The following GREB1L variants were observed in gnomAD, a reference collection of about 807,000 sequenced individuals.
GREB1L encodes GREB1 like retinoic acid receptor coactivator, also known as GREB1-like protein.
In GREB1L, 17 loss-of-function variants were observed where a neutral mutation model predicts 200.8. The ratio of observed to expected loss-of-function variants is 0.08; its 90% CI spans 0.06 to 0.13. GREB1L has a LOEUF of 0.13. GREB1L is among the 10% of genes least tolerant of loss of function. The probability of loss-of-function intolerance (pLI) is 1.00; values close to 1 mark genes in which losing one functional copy is unlikely to be tolerated. For missense variants in GREB1L, 1,657 were observed against 2,367.7 expected (o/e 0.70, Z 6.23); for synonymous variants, 789 against 893.0 (o/e 0.88, Z 2.08).
intron 1 of GREB1L, among the ~76,000 whole-genome samples, chr18:21,345,795 C>G (rs1418409538): frequency 6.6e-6 from 1 of 150,760 alleles, no homozygotes; most frequent in African/African-American, 2.4e-5. Flanking sequence ...TCACTTGAAA[C>G]TGGGAGCTGG....
At chr18:21,415,784 C>A (rs1040415465) in intron 7 of GREB1L, among the ~76,000 whole-genome samples, 1 of 152,170 alleles carries the variant, frequency 6.6e-6, no homozygotes. Context: ...TAGCCCTAGA[C>A]TGAGCACTGC....
At chr18:21,357,254 A>G (rs1211289467) in intron 1 of GREB1L, among the ~76,000 whole-genome samples, 3 of 152,186 alleles carry the variant, frequency 2.0e-5, no homozygotes, top group African/African-American at 7.2e-5. Flanking sequence ...GGGTTTCACC[A>G]TGTTAGCCAG....
chr18:21,472,972 C>CTGTG, intron 15 of GREB1L, 59 bp from the exon 16 acceptor site: 2 of 1,146,172 alleles, frequency 1.7e-6, no homozygotes, highest in Non-Finnish European at 2.4e-6. Flanking sequence ...AGTCTATCTC[C>CTGTG]TGTGTGTGTG....
intron 1 of GREB1L, among the ~76,000 whole-genome samples, chr18:21,362,157 T>C (rs191116585): frequency 0.011 from 1,624 of 152,228 alleles, 14 homozygotes; most frequent in Middle Eastern, 0.017. Context: ...CCCAGAAAAT[T>C]CTGAGATTAT....
chr18:21,384,444 A>G (rs1435238560), intron 4 of GREB1L, 41 bp downstream of exon 4: 8 of 1,448,282 alleles, frequency 5.5e-6, no homozygotes, highest in Non-Finnish European at 9.3e-7. Context: ...TTTTGTCTCT[A>G]ATATTGTCTG....
intron 26 of GREB1L, 22 bp from the exon 27 acceptor site, chr18:21,508,365 C>A: frequency 6.4e-7 from 1 of 1,550,720 alleles, no homozygotes; most frequent in African/African-American, 1.4e-5. Context: ...CCTTTATGGT[C>A]TGTTTTTTTC....
chr18:21,334,000 T>A (rs1439630533), intron 1 of GREB1L, among the ~76,000 whole-genome samples: 1 of 151,230 alleles, frequency 6.6e-6, no homozygotes, highest in African/African-American at 2.4e-5. Flanking sequence ...AAAAAAAAAA[T>A]TACATTTCTA....
At chr18:21,393,416 C>T (rs1313130964) in intron 4 of GREB1L, among the ~76,000 whole-genome samples, 1 of 151,896 alleles carries the variant, frequency 6.6e-6, no homozygotes, top group African/African-American at 2.4e-5. Context: ...CCTGCCTCAG[C>T]CTCCCAAGTA....
At chr18:21,427,488 G>A (rs2032707145) in intron 7 of GREB1L, among the ~76,000 whole-genome samples, 2 of 143,392 alleles carry the variant, frequency 1.4e-5, no homozygotes, top group Non-Finnish European at 3.0e-5. Flanking sequence ...TTGGGCAATA[G>A]AGTGAGACCC....
chr18:21,260,896 T>C (rs2037879330), intron 1 of GREB1L, among the ~76,000 whole-genome samples: 1 of 151,960 alleles, frequency 6.6e-6, no homozygotes, highest in African/African-American at 2.4e-5. Context: ...CATTTTCTTT[T>C]TTTCATGAAT....
At position 21,513,980 on chromosome 18, in the gene GREB1L, C is replaced by T. The variant is rs746602374; in HGVS notation, c.4895C>T (p.Pro1632Leu). Residue 1632 changes from proline to leucine, a missense_variant, in exon 28 of 33, where the codon CCA becomes CTA. Physicochemically the swap from Pro to Leu is moderately conservative, Grantham distance 98. Transcript: ENST00000424526. ...VLWNIHSVQEPSSQPMEVGVS... is the reference protein window; with the variant it reads ...VLWNIHSVQELSSQPMEVGVS... The stretch of plus-strand genomic sequence containing the variant: ...TGGAACATTCACAGTGTTCAGGAGC[C>T]ATCCAGGTAGACTTCCAAGCTGGGG... 6.4e-7 allele frequency: 1 copy of T among 1,551,378 alleles called. No individual in the cohort carries two copies. The highest frequency in any genetic ancestry group is 1.2e-5 in the South Asian group (1 of 84,018).
At chr18:21,314,035 C>G (rs779761221) in intron 1 of GREB1L, among the ~76,000 whole-genome samples, 1 of 152,184 alleles carries the variant, frequency 6.6e-6, no homozygotes, top group Non-Finnish European at 1.5e-5. Context: ...AGTGGGCATT[C>G]TTTTCCCTGA....
intron 1 of GREB1L, among the ~76,000 whole-genome samples, chr18:21,365,504 T>G (rs1233661201): frequency 6.6e-6 from 1 of 152,168 alleles, no homozygotes; most frequent in Non-Finnish European, 1.5e-5. Flanking sequence ...CTCAGAAGGG[T>G]AAGAAACAAT....
intron 21 of GREB1L, among the ~76,000 whole-genome samples, chr18:21,498,900 G>A (rs113050444): frequency 1.4e-4 from 21 of 152,328 alleles, no homozygotes; most frequent in African/African-American, 4.6e-4. Flanking sequence ...CGACCTCCCT[G>A]TCTGGGCAGC....
chr18:21,245,032 T>G (rs1180496839), intron 1 of GREB1L, among the ~76,000 whole-genome samples: 2 of 152,138 alleles, frequency 1.3e-5, no homozygotes, highest in Non-Finnish European at 2.9e-5. Context: ...ACCTAGGGAG[T>G]ATGTTCTTAT....
At chr18:21,471,769 C>T (rs796106859) in intron 15 of GREB1L, among the ~76,000 whole-genome samples, 3 of 152,052 alleles carry the variant, frequency 2.0e-5, no homozygotes, top group African/African-American at 4.8e-5. Flanking sequence ...TACAGGCGTG[C>T]GCCACCACAC....
rs951217157 is a variant in GREB1L, at chr18:21,395,551, T to G, written c.522T>G (p.Asn174Lys). ...TTCTACCAGATGATCATGGAAAAAA[T>G]GCACTTTTAGGTGAGTGTTTCATGC... Reference protein sequence around the residue: ...KRFLPDDHGKNALLGFSGNCI... With the variant: ...KRFLPDDHGKKALLGFSGNCI... Residue 174 changes from asparagine (N) to lysine (K), a missense_variant, in exon 5 of 33, where the codon AAT becomes AAG. Physicochemically the swap from Asn to Lys is moderately conservative, Grantham distance 94. This residue lies in a region of GREB1L where 70 missense variants were observed against 151.3 expected (regional missense o/e 0.46). Coordinates refer to ENST00000424526, the MANE Select transcript of GREB1L (RefSeq NM_001142966.3). 1.9e-6 allele frequency: 3 copies of G among 1,549,326 alleles called. No homozygotes were observed. Among genetic ancestry groups the G allele is most frequent in the Non-Finnish European group, 2.6e-6 (3 of 1,146,150 alleles).
chr18:21,260,354 T>C (rs544682240), intron 1 of GREB1L, among the ~76,000 whole-genome samples: 208 of 152,062 alleles, frequency 1.4e-3, no homozygotes, highest in Admixed American at 2.8e-3. Flanking sequence ...TCTACCTGAT[T>C]TGTGGACCAT....
chr18:21,340,897 T>C (rs149675689), intron 1 of GREB1L, among the ~76,000 whole-genome samples: 1 of 152,334 alleles, frequency 6.6e-6, no homozygotes, highest in East Asian at 1.9e-4. Flanking sequence ...TAGAGAAGTG[T>C]GTTCTTCCCA....
Sources: gnomAD v4.1 joint callset for allele counts (sites outside exome capture counted in the v4.1 genomes callset) on GRCh38, gnomAD v4.1.1 for gene constraint, gnomAD v4.1.1 regional missense constraint, MANE v1.5 for transcripts, NCBI Gene and HGNC (gene_info 2026-07-23, HGNC 2026-07-21) for gene names.